The following PRDM2 variants were observed in gnomAD, a reference collection of about 807,000 sequenced individuals.
PRDM2 encodes PR/SET domain 2.
PRDM2 carries 30 observed loss-of-function variants against 130.0 expected under a neutral mutation model. The observed-to-expected ratio is 0.23, with a 90% confidence interval of 0.17 to 0.31. PRDM2 has a LOEUF of 0.31. Among genes scored for constraint, PRDM2 ranks in the 10% least tolerant of loss-of-function variants. PRDM2 has a pLI of 1.00. For synonymous variants in PRDM2, 871 were observed against 782.4 expected, an observed-to-expected ratio of 1.11 and a Z score of -1.89; for missense variants, 2,011 against 2,108.4, an observed-to-expected ratio of 0.95 and a Z score of 0.90.
chr1:13,823,459 C>A lies in PRDM2; in HGVS notation c.*324C>A. ...CCCAGCCTTCCTGTTGGGGTGGGGC[C>A]TCTCCTACTATGCAATTTTTCAAGA... On this transcript the variant is annotated 3_prime_UTR_variant, in exon 10 of 10. Transcript: ENST00000311066. The A allele has an allele frequency of 2.0e-6, 1 of 498,052 alleles. No individual in the cohort carries two copies. The highest frequency in any genetic ancestry group is 3.6e-6 in the Non-Finnish European group (1 of 279,212). 30.9% of individuals were successfully genotyped at this position (498,052 alleles called of 1,614,324 possible).
chr1:13,800,275 A>G (rs1316874113), intron 8 of PRDM2, among the ~76,000 whole-genome samples: 4 of 152,240 alleles, frequency 2.6e-5, no homozygotes, highest in Admixed American at 1.3e-4. Flanking sequence ...AATAAAACAC[A>G]GATGCGGGAA....
intron 5 of PRDM2, among the ~76,000 whole-genome samples, chr1:13,742,659 C>A (rs897870721): frequency 6.6e-6 from 1 of 152,148 alleles, no homozygotes; most frequent in Non-Finnish European, 1.5e-5. Context: ...GCATGAAGAT[C>A]GTGTTAAGTA....
chr1:13,728,718 A>G (rs1279485196), intron 2 of PRDM2, among the ~76,000 whole-genome samples: 1 of 152,236 alleles, frequency 6.6e-6, no homozygotes. Context: ...AAGAAAAAAA[A>G]GACAAAAAAT....
At chr1:13,796,908 TAAAG>T (rs1644931504) in intron 8 of PRDM2, among the ~76,000 whole-genome samples, 1 of 152,170 alleles carries the variant, frequency 6.6e-6, no homozygotes, top group Admixed American at 6.5e-5. Flanking sequence ...AAACACGAGT[TAAAG>T]AAATGATTTG....
intron 8 of PRDM2, 83 bp downstream of exon 8, chr1:13,782,914 T>C (rs753996673): frequency 6.3e-5 from 11 of 175,294 alleles, no homozygotes; most frequent in East Asian, 1.8e-4. Flanking sequence ...TTCTTGTTGC[T>C]TTTTTTTTTT....
At chr1:13,819,582 T>C (rs868741791) in intron 9 of PRDM2, among the ~76,000 whole-genome samples, 3 of 152,372 alleles carry the variant, frequency 2.0e-5, no homozygotes, top group South Asian at 4.1e-4. Context: ...AAAATCTCTT[T>C]ATACTGTTTG....
chr1:13,759,326 C>T (rs1318086938), intron 6 of PRDM2, among the ~76,000 whole-genome samples: 4 of 152,124 alleles, frequency 2.6e-5, no homozygotes, highest in African/African-American at 4.8e-5. Context: ...AACCCCAAGA[C>T]GGAATTATGT....
intron 2 of PRDM2, among the ~76,000 whole-genome samples, chr1:13,718,503 G>C (rs1642618402): frequency 6.6e-6 from 1 of 152,210 alleles, no homozygotes; most frequent in African/African-American, 2.4e-5. Context: ...AGTTGTATCA[G>C]TGTGTTCCAA....
In PRDM2 at chr1:13,778,502, C is replaced by G. The variant is rs371186158; in HGVS notation, c.707C>G (p.Pro236Arg). ...CAGGAGGTGGCCAGTCAGGAGGTGC[C>G]TCCAGAACTAGCAACCCCTGCCCCT... ...TLQEVASQEV[P>R]PELATPAPAW... Residue 236 changes from proline (P) to arginine (R), a missense_variant, in exon 8 of 10, where the codon CCT becomes CGT. Physicochemically the swap from Pro to Arg is moderately radical, Grantham distance 103. This residue lies in a region of PRDM2 where 1,288 missense variants were observed against 1,237.7 expected (regional missense o/e 1.04). Transcript: ENST00000311066. 6 of 1,614,046 alleles carry G rather than the reference C, an allele frequency of 3.7e-6. No homozygotes were observed. In the African/African-American group the frequency reaches 8.0e-5, roughly 22 times the overall value.
chr1:13,716,468 AAGAG>A (rs1179712256), intron 2 of PRDM2, among the ~76,000 whole-genome samples: 1 of 152,234 alleles, frequency 6.6e-6, no homozygotes, highest in Non-Finnish European at 1.5e-5. Context: ...AAATAAAAAA[AAGAG>A]AGGATTAAAA....
intron 8 of PRDM2, chr1:13,787,745 T>C: frequency 2.0e-6 from 2 of 984,312 alleles, no homozygotes; most frequent in Non-Finnish European, 2.4e-6. Context: ...AGAGTGCTCC[T>C]GTATTGAACT....
chr1:13,809,247 T>G (rs1645133766), intron 8 of PRDM2, among the ~76,000 whole-genome samples: 1 of 152,110 alleles, frequency 6.6e-6, no homozygotes, highest in African/African-American at 2.4e-5. Flanking sequence ...CCGTTTTGCC[T>G]TTTGGGAAGA....
intron 6 of PRDM2, among the ~76,000 whole-genome samples, chr1:13,763,961 A>G (rs1422637979): frequency 6.6e-6 from 1 of 152,204 alleles, no homozygotes; most frequent in African/African-American, 2.4e-5. Context: ...TCTGTAACCA[A>G]ATGTGAAGAA....
rs959475280 is a variant in PRDM2, at chr1:13,780,124, A to G, written c.2329A>G (p.Ser777Gly). 1.9e-6 allele frequency: 3 copies of G among 1,611,744 alleles called. No homozygotes were observed. In the African/African-American group the frequency reaches 4.0e-5, roughly 22 times the overall value. The change falls in exon 8 of 10, where the codon AGT (serine) becomes GGT (glycine). Residue 777 changes from serine (S) to glycine (G), a missense_variant. Ser to Gly is a moderately conservative substitution (Grantham distance 56). Around this residue, in one of 5 missense-constraint regions of PRDM2, gnomAD observed 1,288 missense variants for 1,237.7 expected, o/e 1.04. Transcript: ENST00000311066. ...GACTTCCAAAAAATCCAAATTAGAA[A>G]GTCACAGCGACTCACCAGCATGGAG... Reference protein sequence around the residue: ...GLTSKKSKLESHSDSPAWSLS... With the variant: ...GLTSKKSKLEGHSDSPAWSLS...
At position 13,781,614 on chromosome 1, in the gene PRDM2, A is replaced by C; in HGVS notation, c.3819A>C (p.Ile1273=). 6.2e-7 allele frequency: 1 copy of C among 1,613,634 alleles called. No homozygotes were observed. The highest frequency in any genetic ancestry group is 8.5e-7 in the Non-Finnish European group (1 of 1,180,016). Residue 1273 remains isoleucine (I), a synonymous_variant, in exon 8 of 10, where the codon ATA becomes ATC. Coordinates refer to ENST00000311066, the MANE Select transcript of PRDM2 (RefSeq NM_001393986.1). This position sits in a 1 kb window ranked among gnomAD's most constrained non-coding sequence, Gnocchi z 6.1. Reference sequence around the variant, plus strand: ...CCTCTGAAGAGCTTTACACGACTATAAAAATAATGGCTTCTGGAATAAAGA... The same window carrying C: ...CCTCTGAAGAGCTTTACACGACTATCAAAATAATGGCTTCTGGAATAAAGA... ...NDSSEELYTT[I]KIMASGIKTK...
At chr1:13,745,827 G>T (rs1056621167) in intron 5 of PRDM2, among the ~76,000 whole-genome samples, 1 of 152,184 alleles carries the variant, frequency 6.6e-6, no homozygotes, top group Non-Finnish European at 1.5e-5. Flanking sequence ...TGCAGGGATG[G>T]ATGAGTTTTA....
At chr1:13,707,034 T>A (rs1474111331) in intron 1 of PRDM2, among the ~76,000 whole-genome samples, 1 of 152,154 alleles carries the variant, frequency 6.6e-6, no homozygotes, top group Non-Finnish European at 1.5e-5. Flanking sequence ...GTAATATAAG[T>A]GTGCCTGACA....
chr1:13,770,440 A>G (rs567435032), intron 6 of PRDM2: 14 of 335,708 alleles, frequency 4.2e-5, no homozygotes, highest in South Asian at 2.4e-4. Flanking sequence ...CTCTATTTAC[A>G]TGTAGAACAG....
chr1:13,718,581 TG>T (rs1369970108), intron 2 of PRDM2, among the ~76,000 whole-genome samples: 1 of 152,182 alleles, frequency 6.6e-6, no homozygotes, highest in Non-Finnish European at 1.5e-5. Context: ...ACATATTCTT[TG>T]CTTTCTTTCT....
Sources: allele counts gnomAD v4.1 joint callset (sites outside exome capture counted in the v4.1 genomes callset), GRCh38; gene constraint gnomAD v4.1.1; regional missense constraint gnomAD v4.1.1; non-coding constraint Gnocchi (gnomAD v3.1); transcripts MANE v1.5; gene names NCBI Gene and HGNC (gene_info 2026-07-23, HGNC 2026-07-21).